The following ATG16L1 variants were observed in gnomAD, a reference collection of about 807,000 sequenced individuals.
The protein encoded by ATG16L1 is autophagy-related protein 16-1.
A neutral mutation model predicts 88.5 loss-of-function variants in ATG16L1; 37 were observed. The ratio of observed to expected loss-of-function variants is 0.42; its 90% confidence interval spans 0.32 to 0.55. The LOEUF (loss-of-function observed/expected upper bound fraction) is 0.55, where lower values mean the gene tolerates loss of function less well. Ranked by LOEUF, ATG16L1 falls within the 20% of genes least tolerant of loss-of-function variation. The pLI is 0.13. For missense variants in ATG16L1, 554 were observed against 752.8 expected, an observed-to-expected ratio of 0.74 and a Z score of 3.09; for synonymous variants, 301 against 281.0, an observed-to-expected ratio of 1.07 and a Z score of -0.71.
chr2:233,261,787 C>T (rs775440632), intron 2 of ATG16L1, among the ~76,000 whole-genome samples: 5 of 152,176 alleles, frequency 3.3e-5, no homozygotes, highest in African/African-American at 4.8e-5. Context: ...AGCTTTCTCT[C>T]GAACTATAAA....
At chr2:233,262,198 C>T (rs761633837) in intron 2 of ATG16L1, among the ~76,000 whole-genome samples, 12 of 152,142 alleles carry the variant, frequency 7.9e-5, no homozygotes, top group Non-Finnish European at 1.6e-4. Context: ...GTCCTGTTAG[C>T]GCTGTCTTTG....
intron 12 of ATG16L1, among the ~76,000 whole-genome samples, chr2:233,287,132 C>A (rs1699141360): frequency 6.6e-6 from 1 of 152,054 alleles, no homozygotes. Flanking sequence ...AGATTTGATC[C>A]CATTCATCTT....
chr2:233,262,016 C>T (rs1697248277), intron 2 of ATG16L1, among the ~76,000 whole-genome samples: 2 of 152,190 alleles, frequency 1.3e-5, no homozygotes, highest in South Asian at 4.1e-4. Flanking sequence ...ACTCAGTTTT[C>T]ACTTGAATGG....
chr2:233,269,576 A>G (rs1697842580), intron 5 of ATG16L1, among the ~76,000 whole-genome samples: 1 of 152,242 alleles, frequency 6.6e-6, no homozygotes, highest in African/African-American at 2.4e-5. Flanking sequence ...AAAATCTGAG[A>G]AAATTCGAAA....
At chr2:233,251,999 G>C in intron 1 of ATG16L1, 57 bp downstream of exon 1, 1 of 1,415,428 alleles carries the variant, frequency 7.1e-7, no homozygotes, top group South Asian at 1.4e-5. Flanking sequence ...GGAGGCATGC[G>C]GGGCGTCAGC....
Position 233,292,365 on chromosome 2 carries a change from A to G in ATG16L1, c.1581-22A>G. On this transcript the variant is annotated intron_variant, in intron 15 of 17. Transcript: ENST00000392017. ...GCGTGGCCTGAGCTCCCTCAGTGACAGTGCCCTGTTGTTTGTTTCAGTGCA... is the reference window on the plus strand; with the variant it reads ...GCGTGGCCTGAGCTCCCTCAGTGACGGTGCCCTGTTGTTTGTTTCAGTGCA... 5 of 1,614,110 alleles carry G rather than the reference A, an allele frequency of 3.1e-6. No individual in the cohort carries two copies. The South Asian group carries it at 5.5e-5, about 18-fold the overall frequency.
rs73110079 is a variant in ATG16L1 at position 233,257,721 on chromosome 2, T to C, written c.209+1526T>C. Among the ~76,000 whole-genome samples the C allele has an allele frequency of 5.0e-3, 754 of 152,218 alleles. 3 individuals carry two copies. The highest frequency in any genetic ancestry group is 0.017 in the African/African-American group (714 of 41,528). ...AAGAACTAGATTAGAAAAATATCAGTGTGTGCTGGGCTTGGTGGCTCACAC... is the reference window on the plus strand; with the variant it reads ...AAGAACTAGATTAGAAAAATATCAGCGTGTGCTGGGCTTGGTGGCTCACAC... On this transcript the variant is annotated intron_variant, in intron 2 of 17. Coordinates refer to ENST00000392017, the MANE Select transcript of ATG16L1 (RefSeq NM_030803.7).
At chr2:233,270,619 G>T (rs888273344) in intron 6 of ATG16L1, among the ~76,000 whole-genome samples, 4 of 152,112 alleles carry the variant, frequency 2.6e-5, no homozygotes, top group Non-Finnish European at 5.9e-5. Context: ...TAATGCGGTG[G>T]GGTTTTTGTT....
intron 12 of ATG16L1, among the ~76,000 whole-genome samples, chr2:233,283,272 CAGAG>C (rs762173163): frequency 3.3e-5 from 5 of 152,058 alleles, no homozygotes; most frequent in Non-Finnish European, 7.4e-5. Flanking sequence ...TGGCATCTGA[CAGAG>C]AGACCAAAAC....
chr2:233,272,135 A>G (rs762753456), intron 6 of ATG16L1, among the ~76,000 whole-genome samples: 1 of 152,224 alleles, frequency 6.6e-6, no homozygotes, highest in African/African-American at 2.4e-5. Context: ...ACATTTAATT[A>G]TCTTCTCCAT....
At chr2:233,273,892 A>G in intron 8 of ATG16L1, 115 bp downstream of exon 8, 2 of 1,504,162 alleles carry the variant, frequency 1.3e-6, no homozygotes, top group Non-Finnish European at 1.8e-6. Flanking sequence ...GAGTATACAT[A>G]TGCCTTAATA....
intron 10 of ATG16L1, 117 bp downstream of exon 10, chr2:233,277,790 T>C: frequency 2.4e-6 from 2 of 831,626 alleles, no homozygotes; most frequent in South Asian, 1.5e-5. Context: ...CTGTGAATTG[T>C]TCATTTTCTC....
At chr2:233,265,435 A>G (rs147378073) in intron 5 of ATG16L1, among the ~76,000 whole-genome samples, 1 of 152,296 alleles carries the variant, frequency 6.6e-6, no homozygotes, top group East Asian at 1.9e-4. Flanking sequence ...TTATATGAAT[A>G]TAGATGTGAA....
intron 1 of ATG16L1, among the ~76,000 whole-genome samples, 198 bp downstream of exon 1, chr2:233,252,140 T>C (rs1696417518): frequency 6.6e-6 from 1 of 152,276 alleles, no homozygotes; most frequent in South Asian, 2.1e-4. Flanking sequence ...GGATTTTCCC[T>C]ATTAAATTGT....
At chr2:233,265,633 C>G (rs553596981) in intron 5 of ATG16L1, among the ~76,000 whole-genome samples, 66 of 152,206 alleles carry the variant, frequency 4.3e-4, no homozygotes, top group African/African-American at 1.6e-3. Flanking sequence ...CCACGCCTGG[C>G]TAATTTTTGT....
chr2:233,264,201 C>A, intron 4 of ATG16L1, 136 bp downstream of exon 4: 1 of 744,094 alleles, frequency 1.3e-6, no homozygotes, highest in South Asian at 1.6e-5. Flanking sequence ...TCAGTGCATA[C>A]ACACTCTGGG....
intron 7 of ATG16L1, chr2:233,273,298 A>G (rs1559394189): frequency 3.8e-6 from 2 of 529,934 alleles, no homozygotes; most frequent in South Asian, 2.5e-5. Context: ...GGCTTACTCA[A>G]ATATGGACAG....
In ATG16L1 at chr2:233,264,991, G is replaced by A; in HGVS notation, c.489G>A (p.Lys163=). The stretch of plus-strand genomic sequence containing the variant: ...TTGAAAGAGCCAACCAGACCCTGAA[G>A]GATGAATATGATGCCCTGCAGATCA... ...CDLERANQTL[K]DEYDALQITF... Residue 163 remains lysine (K), a synonymous_variant, in exon 5 of 18, where the codon AAG becomes AAA. Coordinates refer to ENST00000392017, the MANE Select transcript of ATG16L1 (RefSeq NM_030803.7). 6.2e-7 allele frequency: 1 copy of A among 1,614,192 alleles called. No individual in the cohort carries two copies. Among genetic ancestry groups the A allele is most frequent in the Non-Finnish European group, 8.5e-7 (1 of 1,180,024 alleles).
chr2:233,272,915 A>G (rs1698089385), intron 6 of ATG16L1, 51 bp from the exon 7 acceptor site: 2 of 1,512,166 alleles, frequency 1.3e-6, no homozygotes, highest in Admixed American at 3.4e-5. Context: ...GGAACCGATT[A>G]ATCACAGAAC....
Sources: gnomAD v4.1 joint callset for allele counts (sites outside exome capture counted in the v4.1 genomes callset) on GRCh38, gnomAD v4.1.1 for gene constraint, MANE v1.5 for transcripts, NCBI Gene and HGNC (gene_info 2026-07-23, HGNC 2026-07-21) for gene names.